Variants in LRRC1 observed in about 807,000 individuals in gnomAD.
The protein encoded by LRRC1 is leucine-rich repeat-containing protein 1.
LRRC1 carries 28 observed loss-of-function variants against 69.9 expected under a neutral mutation model. The observed-to-expected ratio is 0.40, with a 90% confidence interval of 0.30 to 0.55. LRRC1 has a LOEUF of 0.55. Among genes scored for constraint, LRRC1 ranks in the 20% least tolerant of loss-of-function variants. The pLI is 0.47. For synonymous variants in LRRC1, 236 were observed against 240.2 expected (o/e 0.98, Z 0.16); for missense variants, 498 against 609.0 (o/e 0.82, Z 1.92).
At chr6:53,853,435 C>G (rs1425549093) in intron 2 of LRRC1, among the ~76,000 whole-genome samples, 1 of 152,050 alleles carries the variant, frequency 6.6e-6, no homozygotes, top group Non-Finnish European at 1.5e-5. Context: ...CAGGCGCTCA[C>G]CACCACGCCC....
chr6:53,842,618 G>A (rs954181923), intron 2 of LRRC1, among the ~76,000 whole-genome samples: 1 of 152,120 alleles, frequency 6.6e-6, no homozygotes, highest in Non-Finnish European at 1.5e-5. Flanking sequence ...CACTTATTTT[G>A]CTGAACATGA....
chr6:53,893,572 C>T (rs956235838), intron 4 of LRRC1, among the ~76,000 whole-genome samples: 1 of 152,102 alleles, frequency 6.6e-6, no homozygotes, highest in Non-Finnish European at 1.5e-5. Flanking sequence ...ACCATTTGCT[C>T]AAAGAAAATG....
chr6:53,919,419 A>G, intron 11 of LRRC1, 79 bp from the exon 12 acceptor site: 1 of 1,187,438 alleles, frequency 8.4e-7, no homozygotes, highest in Non-Finnish European at 1.1e-6. Flanking sequence ...ATTTTTCCTC[A>G]TTTTGTTGAT....
At chr6:53,850,633 G>C (rs978086895) in intron 2 of LRRC1, among the ~76,000 whole-genome samples, 22 of 152,208 alleles carry the variant, frequency 1.4e-4, no homozygotes, top group African/African-American at 5.1e-4. Context: ...TGTTGCAAAG[G>C]GTTTGCTTTG....
chr6:53,902,258 A>AT (rs549655347), intron 8 of LRRC1, among the ~76,000 whole-genome samples: 83 of 149,746 alleles, frequency 5.5e-4, no homozygotes, highest in Middle Eastern at 3.5e-3. Flanking sequence ...TTAATAAACT[A>AT]TTTTTTTTTT....
At chr6:53,834,041 G>C (rs1765538255) in intron 1 of LRRC1, among the ~76,000 whole-genome samples, 1 of 152,162 alleles carries the variant, frequency 6.6e-6, no homozygotes, top group Non-Finnish European at 1.5e-5. Flanking sequence ...CTGCTGCTCT[G>C]TGATACCTCC....
Position 53,795,065 on chromosome 6 carries a change from G to C in LRRC1, c.-192G>C. On this transcript the variant is annotated 5_prime_UTR_variant, in exon 1 of 14. Coordinates refer to ENST00000370888, the MANE Select transcript of LRRC1 (RefSeq NM_018214.5). ...GGCTGGCGGGCGGGGGTACAGGGAC[G>C]GGGCAGGGGCTCCCGCTCCAGGTTC... 3 of 483,346 alleles carry C rather than the reference G, an allele frequency of 6.2e-6. No individual in the cohort carries two copies. The highest frequency in any genetic ancestry group is 1.1e-5 in the Non-Finnish European group (3 of 279,078). 29.9% of individuals were successfully genotyped at this position (483,346 alleles called of 1,614,324 possible).
intron 13 of LRRC1, 76 bp downstream of exon 13, chr6:53,920,837 C>CT: frequency 6.6e-7 from 1 of 1,519,000 alleles, no homozygotes; most frequent in Non-Finnish European, 9.1e-7. Flanking sequence ...TAAGGATATT[C>CT]TTTATTTTCA....
chr6:53,871,109 A>G (rs1489581286), intron 2 of LRRC1, among the ~76,000 whole-genome samples: 1 of 152,198 alleles, frequency 6.6e-6, no homozygotes, highest in Non-Finnish European at 1.5e-5. Context: ...GGGAGTGCAG[A>G]TATATCTTTG....
At chr6:53,831,555 G>A (rs4398733) in intron 1 of LRRC1, among the ~76,000 whole-genome samples, 125,869 of 152,116 alleles carry the variant, frequency 0.83, 52,261 homozygotes, top group East Asian at 0.92. Flanking sequence ...GTATTAACTG[G>A]TTAGTCAGGT....
At chr6:53,895,633 CTG>C (rs1335056232) in intron 4 of LRRC1, among the ~76,000 whole-genome samples, 7 of 152,206 alleles carry the variant, frequency 4.6e-5, no homozygotes, top group Middle Eastern at 3.2e-3. Flanking sequence ...GGGCAATAGA[CTG>C]TGTCACTTGT....
At chr6:53,830,989 A>G (rs1272981992) in intron 1 of LRRC1, among the ~76,000 whole-genome samples, 3 of 148,146 alleles carry the variant, frequency 2.0e-5, no homozygotes, top group South Asian at 2.2e-4. Flanking sequence ...GAATAATGCC[A>G]TTGAAGATAG....
At chr6:53,918,883 A>G (rs1768651243) in intron 11 of LRRC1, 1 of 152,268 alleles carries the variant, frequency 6.6e-6, no homozygotes, top group Non-Finnish European at 1.5e-5. Flanking sequence ...GACTCTGAGA[A>G]GTGAGAGCTT....
intron 1 of LRRC1, among the ~76,000 whole-genome samples, chr6:53,824,379 T>C (rs1312081765): frequency 6.6e-6 from 1 of 152,240 alleles, no homozygotes; most frequent in Non-Finnish European, 1.5e-5. Context: ...TTGTAGATGC[T>C]GCATATTAGA....
intron 2 of LRRC1, among the ~76,000 whole-genome samples, chr6:53,870,830 A>C (rs544061374): frequency 6.6e-6 from 1 of 152,128 alleles, no homozygotes; most frequent in Non-Finnish European, 1.5e-5. Flanking sequence ...TCACTATTCA[A>C]CTTGCTACTT....
At chr6:53,896,471 C>CTT in intron 4 of LRRC1, 27 bp from the exon 5 acceptor site, 4 of 1,595,078 alleles carry the variant, frequency 2.5e-6, no homozygotes, top group Non-Finnish European at 2.6e-6. Flanking sequence ...TTCTCTTATG[C>CTT]TTTTTTTTCC....
chr6:53,910,812 T>C (rs1489647562), intron 10 of LRRC1, among the ~76,000 whole-genome samples: 5 of 152,360 alleles, frequency 3.3e-5, no homozygotes, highest in African/African-American at 9.6e-5. Flanking sequence ...ATCCGCTCCC[T>C]CCATCATACC....
chr6:53,920,601 C>T, intron 12 of LRRC1, 24 bp from the exon 13 acceptor site: 2 of 1,614,088 alleles, frequency 1.2e-6, no homozygotes, highest in Non-Finnish European at 8.5e-7. Context: ...CAATTCCCTG[C>T]TTATGTGGTC....
chr6:53,920,708 G>T lies in LRRC1; in HGVS notation c.1363G>T (p.Val455Phe). Residue 455 changes from valine (V) to phenylalanine (F), a missense_variant, in exon 13 of 14, where the codon GTC becomes TTC. Physicochemically the swap from Val to Phe is conservative, Grantham distance 50. Around this residue, in one of 3 missense-constraint regions of LRRC1, gnomAD observed 162 missense variants for 162.9 expected, o/e 0.99. Transcript: ENST00000370888. The stretch of plus-strand genomic sequence containing the variant: ...CTGGAACGAGCGTGCTGTCAACAGA[G>T]TCAGTGCGATCCGATTTGTGGAGGA... ...EAWNERAVNR[V>F]SAIRFVEDEK... is the part of the protein sequence containing the mutation. 2 of 1,614,216 alleles carry T rather than the reference G, an allele frequency of 1.2e-6. No individual in the cohort carries two copies. Among genetic ancestry groups the T allele is most frequent in the Non-Finnish European group, 1.7e-6 (2 of 1,180,028 alleles).
Sources: gnomAD v4.1 joint callset for allele counts (sites outside exome capture counted in the v4.1 genomes callset) on GRCh38, gnomAD v4.1.1 for gene constraint, gnomAD v4.1.1 regional missense constraint, MANE v1.5 for transcripts, NCBI Gene and HGNC (gene_info 2026-07-23, HGNC 2026-07-21) for gene names.